DIP2C: variants seen among roughly 807,000 people sequenced by gnomAD.
DIP2C encodes disco-interacting protein 2 homolog C.
Under a neutral mutation model 192.4 loss-of-function variants are expected in DIP2C, and 33 were observed. The observed-to-expected ratio is 0.17, with a 90% CI of 0.13 to 0.23. The LOEUF (loss-of-function observed/expected upper bound fraction) is 0.23. Ranked by LOEUF, DIP2C falls within the 10% of genes least tolerant of loss-of-function variation. The pLI, the probability that DIP2C is intolerant of heterozygous loss-of-function variation, is 1.00. For synonymous variants in DIP2C, 979 were observed against 864.1 expected (o/e 1.13, Z -2.33); for missense variants, 1,537 against 2,110.1 (o/e 0.73, Z 5.32).
intron 1 of DIP2C, among the ~76,000 whole-genome samples, chr10:611,423 C>CA (rs1467439388): frequency 6.6e-6 from 1 of 152,232 alleles, no homozygotes; most frequent in Non-Finnish European, 1.5e-5. Context: ...CAGCGGCCAT[C>CA]AAGGTCCCGC....
At chr10:411,488 G>C (rs769064995) in intron 8 of DIP2C, among the ~76,000 whole-genome samples, 16 of 152,168 alleles carry the variant, frequency 1.1e-4, no homozygotes, top group Non-Finnish European at 2.1e-4. Flanking sequence ...TTATCCGCTG[G>C]GAATTCTGCT....
intron 9 of DIP2C, among the ~76,000 whole-genome samples, chr10:404,045 A>G (rs1323106619): frequency 6.8e-6 from 1 of 147,858 alleles, no homozygotes; most frequent in East Asian, 2.0e-4. Context: ...ACTCTTCCTT[A>G]TGGACAAGTT....
At chr10:471,363 A>T (rs559874801) in intron 3 of DIP2C, among the ~76,000 whole-genome samples, 1 of 152,276 alleles carries the variant, frequency 6.6e-6, no homozygotes, top group Non-Finnish European at 1.5e-5. Flanking sequence ...CTGCATGGAC[A>T]GAGAGATTCA....
chr10:307,065 G>A (rs752803758), intron 32 of DIP2C, among the ~76,000 whole-genome samples: 20 of 152,178 alleles, frequency 1.3e-4, no homozygotes, highest in Admixed American at 2.0e-4. Context: ...CTCCCACCAC[G>A]TGATCTCTGC....
intron 14 of DIP2C, 64 bp from the exon 15 acceptor site, chr10:384,703 C>G (rs1266262116): frequency 2.1e-5 from 33 of 1,545,940 alleles, no homozygotes; most frequent in Non-Finnish European, 2.7e-5. Context: ...CAGCTCTCAC[C>G]CAGTGGCATG....
chr10:493,672 T>C (rs1844613828), intron 1 of DIP2C, among the ~76,000 whole-genome samples: 1 of 152,174 alleles, frequency 6.6e-6, no homozygotes, highest in East Asian at 1.9e-4. Context: ...TCAGAGTTTT[T>C]TCTTTGGATT....
rs973493065 is a variant in DIP2C at position 274,804 on chromosome 10, C to G, written c.*2521G>C. The G allele has an allele frequency of 6.6e-6, 1 of 152,192 alleles. No individual in the cohort carries two copies. The highest frequency in any genetic ancestry group is 1.5e-5 in the Non-Finnish European group (1 of 68,028). The allele number at this position is 152,192 out of a possible 1,614,324, so 9.4% of individuals were successfully genotyped here. ...GTTCACTGTGTACCCTCTTTTTGTG[C>G]AAGTTGATTACACGGTTTTGTCTGA... On this transcript the variant is annotated 3_prime_UTR_variant, in exon 37 of 37. Coordinates refer to ENST00000280886, the MANE Select transcript of DIP2C (RefSeq NM_014974.3).
At chr10:423,667 C>T (rs557378127) in intron 4 of DIP2C, among the ~76,000 whole-genome samples, 1 of 152,150 alleles carries the variant, frequency 6.6e-6, no homozygotes, top group African/African-American at 2.4e-5. Context: ...TACCGATGCA[C>T]CTGATTTGTG....
chr10:364,168 T>C (rs977828486), intron 20 of DIP2C, among the ~76,000 whole-genome samples: 1 of 152,260 alleles, frequency 6.6e-6, no homozygotes, highest in Admixed American at 6.5e-5. Context: ...AATATATTTA[T>C]GGAGCTCAGG....
At chr10:509,605 C>T (rs1052243654) in intron 1 of DIP2C, among the ~76,000 whole-genome samples, 4 of 152,176 alleles carry the variant, frequency 2.6e-5, no homozygotes, top group Admixed American at 6.5e-5. Flanking sequence ...CCTCACTCTG[C>T]GCCAGGAGAT....
chr10:579,826 CA>C (rs1330519669), intron 1 of DIP2C, among the ~76,000 whole-genome samples: 32 of 151,966 alleles, frequency 2.1e-4, no homozygotes, highest in Admixed American at 2.0e-3. Context: ...TGTGTACATG[CA>C]TAGCATGTAC....
intron 1 of DIP2C, among the ~76,000 whole-genome samples, chr10:543,204 G>A (rs1363546900): frequency 2.0e-5 from 3 of 152,176 alleles, no homozygotes; most frequent in African/African-American, 4.8e-5. Flanking sequence ...AGGAATAACC[G>A]TCTCCTTTGC....
intron 21 of DIP2C, among the ~76,000 whole-genome samples, chr10:362,945 A>G (rs1959713618): frequency 6.6e-6 from 1 of 152,196 alleles, no homozygotes; most frequent in Admixed American, 6.5e-5. Flanking sequence ...TGTTCTCAAG[A>G]TCAAACAAAA....
intron 35 of DIP2C, 67 bp from the exon 36 acceptor site, chr10:281,390 T>C: frequency 7.4e-7 from 1 of 1,352,166 alleles, no homozygotes. Context: ...CTTCTTTTCT[T>C]AAAAAAAGAT....
intron 1 of DIP2C, among the ~76,000 whole-genome samples, chr10:625,825 TACTTTTAAATG>T (rs371541767): frequency 6.6e-6 from 1 of 152,316 alleles, no homozygotes; most frequent in East Asian, 1.9e-4. Context: ...TTATAAAACT[TACTTTTAAATG>T]AGGGCACCTA....
At chr10:511,339 C>T (rs1226958226) in intron 1 of DIP2C, among the ~76,000 whole-genome samples, 1 of 152,166 alleles carries the variant, frequency 6.6e-6, no homozygotes, top group African/African-American at 2.4e-5. Context: ...GGCGGCTCAG[C>T]CAATGGGGCA....
At chr10:555,931 C>T (rs1848832041) in intron 1 of DIP2C, among the ~76,000 whole-genome samples, 1 of 152,098 alleles carries the variant, frequency 6.6e-6, no homozygotes, top group South Asian at 2.1e-4. Context: ...GGCCCTGCAG[C>T]AGCAGCCGCT....
intron 32 of DIP2C, among the ~76,000 whole-genome samples, chr10:301,832 A>G (rs1202327413): frequency 6.6e-6 from 1 of 152,222 alleles, no homozygotes; most frequent in Admixed American, 6.5e-5. Context: ...GGGAGGCAAG[A>G]GAAGTGGGAG....
In DIP2C at chr10:689,475, G is replaced by A; in HGVS notation, c.85+19C>T. 7 of 1,173,676 alleles carry A rather than the reference G, an allele frequency of 6.0e-6. No homozygotes were observed. Among genetic ancestry groups the A allele is most frequent in the Non-Finnish European group, 5.3e-6 (5 of 939,268 alleles). The allele number at this position is 1,173,676 out of a possible 1,614,324, so 72.7% of individuals were successfully genotyped here. ...CCCCGGTGACAGCGCGGCCCGGCCC[G>A]GGGCGGGGGCCCGGTTACCTTCCGA... On this transcript the variant is annotated intron_variant, in intron 1 of 36. Coordinates refer to ENST00000280886, the MANE Select transcript of DIP2C (RefSeq NM_014974.3). This position sits in a 1 kb window ranked among gnomAD's most constrained non-coding sequence, Gnocchi z 6.1.
Sources: allele counts gnomAD v4.1 joint callset (sites outside exome capture counted in the v4.1 genomes callset), GRCh38; gene constraint gnomAD v4.1.1; non-coding constraint Gnocchi (gnomAD v3.1); transcripts MANE v1.5; gene names NCBI Gene and HGNC (gene_info 2026-07-23, HGNC 2026-07-21).